The following PASK variants were observed in gnomAD, a reference collection of about 807,000 sequenced individuals.
The protein encoded by PASK is PAS domain containing serine/threonine kinase.
A neutral mutation model predicts 121.0 loss-of-function variants in PASK; 110 were observed. The observed-to-expected ratio is 0.91, with a 90% CI of 0.78 to 1.06. The LOEUF is 1.06. Among genes scored for constraint, PASK ranks in the 50% least tolerant of loss-of-function variants. PASK has a pLI of 0.00. For missense variants in PASK, 1,643 were observed against 1,702.3 expected, an observed-to-expected ratio of 0.97 and a Z score of 0.61; for synonymous variants, 686 against 717.8, an observed-to-expected ratio of 0.96 and a Z score of 0.71.
At chr2:241,113,042 C>T (rs1233791494) in intron 14 of PASK, among the ~76,000 whole-genome samples, 2 of 152,242 alleles carry the variant, frequency 1.3e-5, no homozygotes, top group East Asian at 1.9e-4. Flanking sequence ...AGCAGTTACA[C>T]TGGAAACGGG....
intron 9 of PASK, chr2:241,127,692 GT>G: frequency 1.9e-6 from 1 of 534,568 alleles, no homozygotes; most frequent in Non-Finnish European, 3.4e-6. Flanking sequence ...CAACAGTAAA[GT>G]ACAGGAGAAC....
chr2:241,111,461 A>G (rs2871621), intron 15 of PASK, among the ~76,000 whole-genome samples: 35,633 of 151,964 alleles, frequency 0.23, 6,498 homozygotes, highest in African/African-American at 0.5. Flanking sequence ...CCTGCTATCT[A>G]TTTCTGACTT....
chr2:241,131,067 A>G (rs969977717), intron 9 of PASK, among the ~76,000 whole-genome samples: 10 of 151,884 alleles, frequency 6.6e-5, no homozygotes, highest in African/African-American at 2.4e-4. Context: ...GGATTGGAGG[A>G]GGGGGATTGG....
intron 1 of PASK, among the ~76,000 whole-genome samples, chr2:241,143,529 C>T (rs1285692346): frequency 6.8e-6 from 1 of 146,310 alleles, no homozygotes; most frequent in Non-Finnish European, 1.5e-5. Flanking sequence ...CCAGCCTGGG[C>T]GATAGAGAGA....
At chr2:241,124,429 A>AGG (rs1200139505) in intron 10 of PASK, among the ~76,000 whole-genome samples, 2 of 152,248 alleles carry the variant, frequency 1.3e-5, no homozygotes, top group Non-Finnish European at 2.9e-5. Context: ...GAAGCCCTCC[A>AGG]GAGAGGCCTG....
Position 241,126,458 on chromosome 2 carries a change from T to G in PASK, c.2457A>C (p.Gly819=), listed in dbSNP as rs528286943. 6.2e-7 allele frequency: 1 copy of G among 1,614,180 alleles called. No homozygotes were observed. Among genetic ancestry groups the G allele is most frequent in the South Asian group, 1.1e-5 (1 of 91,076 alleles). Residue 819 remains glycine, a synonymous_variant, in exon 10 of 18, where the codon GGA becomes GGC. Transcript: ENST00000234040. ...CCTCAAGCGGTTCTGTTGGATCATG[T>G]CCCACACAGCTCTCCCGGAACCGTC... ...QGRRFRESCV[G]HDPTEPLEVC...
rs148672143 is a variant in PASK, at chr2:241,142,844, C to T, written c.189G>A (p.Ala63=). Residue 63 remains alanine, a synonymous_variant, in exon 2 of 18, where the codon GCG becomes GCA. Transcript: ENST00000234040. The part of the protein sequence containing the change: ...GLSRLCQSRT[A]LSEDRWSSYC... ...GTGGTCGAAGGTCATTACCAGAGAG[C>T]GCTGTCCTGCTCTGGCAGAGTCTGG... The T allele has an allele frequency of 3.8e-5, 62 of 1,611,490 alleles. 1 individual carries two copies. The African/African-American group carries it at 5.6e-4, about 15-fold the overall frequency.
rs371233463 is a variant in PASK, at chr2:241,126,954, C to T, written c.1961G>A (p.Arg654Gln). The T allele has an allele frequency of 2.8e-5, 45 of 1,614,120 alleles. No individual in the cohort carries two copies. In the African/African-American group the frequency reaches 4.9e-4, roughly 18 times the overall value. ...AATCAAGCAGGTCTGCAGCTCTTCT[C>T]GGTCGTTTTCCACTCCCAGCCACGG... is the stretch of plus-strand genomic sequence containing the variant. ...DEPWLGVEND[R>Q]EELQTCLIKE... Residue 654 changes from arginine (R) to glutamine (Q), a missense_variant, in exon 10 of 18, where the codon CGA becomes CAA. Physicochemically the swap from Arg to Gln is conservative, Grantham distance 43. Coordinates refer to ENST00000234040, the MANE Select transcript of PASK (RefSeq NM_015148.4).
intron 9 of PASK, among the ~76,000 whole-genome samples, chr2:241,130,208 G>A (rs991924331): frequency 1.2e-4 from 19 of 152,204 alleles, no homozygotes; most frequent in Non-Finnish European, 2.4e-4. Context: ...TTGAATAAGC[G>A]AACGAGTGAG....
chr2:241,132,334 C>T (rs182053850), intron 9 of PASK, among the ~76,000 whole-genome samples: 59 of 151,294 alleles, frequency 3.9e-4, no homozygotes, highest in African/African-American at 1.3e-3. Context: ...ACCATCCTGG[C>T]CAACATGGTG....
intron 9 of PASK, among the ~76,000 whole-genome samples, chr2:241,132,527 TA>T (rs71049553): frequency 0.09 from 3,562 of 39,388 alleles, 57 homozygotes; most frequent in African/African-American, 0.2. Flanking sequence ...AGACTCTGTC[TA>T]AAAAAAAAAA....
chr2:241,143,078 G>C lies in PASK; in HGVS notation c.-42-4C>G, dbSNP rs763149566. The C allele has an allele frequency of 1.8e-5, 25 of 1,372,454 alleles. No homozygotes were observed. Among genetic ancestry groups the C allele is most frequent in the Non-Finnish European group, 2.5e-5 (24 of 961,084 alleles). 85.0% of individuals were successfully genotyped at this position (1,372,454 alleles called of 1,614,324 possible). A position where few individuals can be genotyped will look rare whatever the true frequency, so the allele number is the denominator to read the frequency against. Reference sequence around the variant, plus strand: ...GCCAAGCTTCCAACTCTAACAACTAGAAAACAACATGAAGCTGATTAACAT... The same window carrying C: ...GCCAAGCTTCCAACTCTAACAACTACAAAACAACATGAAGCTGATTAACAT... On this transcript the variant is annotated splice_polypyrimidine_tract_variant and splice_region_variant and intron_variant, in intron 1 of 17. Transcript: ENST00000234040.
chr2:241,129,884 G>A (rs898576402), intron 9 of PASK, among the ~76,000 whole-genome samples: 6 of 152,202 alleles, frequency 3.9e-5, no homozygotes, highest in Admixed American at 1.3e-4. Flanking sequence ...GTGGAGACCC[G>A]AGACCCCCAC....
Position 241,140,033 on chromosome 2 carries a change from G to T in PASK, c.452C>A (p.Ala151Asp). The change falls in exon 4 of 18, where the codon GCT (alanine) becomes GAT (aspartate). Residue 151 changes from alanine to aspartate, a missense_variant. Ala to Asp is a moderately radical substitution (Grantham distance 126). Around this residue, in one of 3 missense-constraint regions of PASK, gnomAD observed 1,176 missense variants for 1,162.2 expected, o/e 1.01. Coordinates refer to ENST00000234040, the MANE Select transcript of PASK (RefSeq NM_015148.4). Reference sequence around the variant, plus strand: ...GCTGCTGTACCCCAGGAGCCCGCAAGCTTTGTCGTTAGCAACCAGGATCTG... The same window carrying T: ...GCTGCTGTACCCCAGGAGCCCGCAATCTTTGTCGTTAGCAACCAGGATCTG... ...TTEILVANDK[A>D]CGLLGYSSQD... 1 of 1,614,098 alleles carries T rather than the reference G, an allele frequency of 6.2e-7. No individual in the cohort carries two copies.
intron 11 of PASK, among the ~76,000 whole-genome samples, chr2:241,123,313 C>G (rs1224344051): frequency 6.6e-6 from 1 of 151,828 alleles, no homozygotes; most frequent in African/African-American, 2.4e-5. Flanking sequence ...GTAGCTGGGA[C>G]TACAGGCGCC....
In PASK at chr2:241,107,574, C is replaced by T. The variant is rs558020418; in HGVS notation, c.3668-75G>A. The T allele has an allele frequency of 2.7e-4, 382 of 1,420,690 alleles. 6 individuals carry two copies. In the South Asian group the frequency reaches 2.9e-3, roughly 11 times the overall value. 88.0% of individuals were successfully genotyped at this position (1,420,690 alleles called of 1,614,324 possible). ...AGCACATCTCAGATTCCTGGGTGCT[C>T]ACCACCCCCCCGCAGAGCCTCTGAC... is the stretch of plus-strand genomic sequence containing the variant. On this transcript the variant is annotated intron_variant, in intron 16 of 17. Coordinates refer to ENST00000234040, the MANE Select transcript of PASK (RefSeq NM_015148.4).
chr2:241,130,109 C>A (rs1310393627), intron 9 of PASK, among the ~76,000 whole-genome samples: 1 of 152,226 alleles, frequency 6.6e-6, no homozygotes, highest in Non-Finnish European at 1.5e-5. Context: ...TGCTTCCTAA[C>A]CCTGTTCTGT....
At chr2:241,111,799 A>G (rs1350298938) in intron 15 of PASK, among the ~76,000 whole-genome samples, 1 of 152,190 alleles carries the variant, frequency 6.6e-6, no homozygotes. Context: ...CAAGGGCTCC[A>G]CCTTCAGCAC....
At chr2:241,111,914 C>A (rs943606440) in intron 15 of PASK, among the ~76,000 whole-genome samples, 1 of 152,172 alleles carries the variant, frequency 6.6e-6, no homozygotes, top group African/African-American at 2.4e-5. Context: ...AATAAATAAA[C>A]CTAACTAAAA....
Sources: gnomAD v4.1 joint callset for allele counts (sites outside exome capture counted in the v4.1 genomes callset) on GRCh38, gnomAD v4.1.1 for gene constraint, gnomAD v4.1.1 regional missense constraint, MANE v1.5 for transcripts, NCBI Gene and HGNC (gene_info 2026-07-23, HGNC 2026-07-21) for gene names.